SGCG: variants seen among roughly 807,000 people sequenced by gnomAD.
SGCG encodes the protein sarcoglycan gamma.
SGCG carries 26 observed loss-of-function variants against 29.3 expected under a neutral mutation model. The observed-to-expected ratio is 0.89, with a 90% CI of 0.65 to 1.23. The LOEUF is 1.23. Ranked by LOEUF, SGCG falls within the 50% of genes most tolerant of loss-of-function variation. The probability of loss-of-function intolerance (pLI) is 0.00; values close to 1 mark genes in which losing one functional copy is unlikely to be tolerated. For missense variants in SGCG, 353 were observed against 356.0 expected (o/e 0.99, Z 0.07); for synonymous variants, 145 against 129.7 (o/e 1.12, Z -0.80).
chr13:23,264,075 T>C (rs1880548506), intron 4 of SGCG, among the ~76,000 whole-genome samples: 1 of 152,086 alleles, frequency 6.6e-6, no homozygotes. Flanking sequence ...CTGAAAGTGC[T>C]AGCCAGAGTA....
At chr13:23,206,376 G>T (rs544079880) in intron 2 of SGCG, among the ~76,000 whole-genome samples, 1 of 152,112 alleles carries the variant, frequency 6.6e-6, no homozygotes, top group African/African-American at 2.4e-5. Context: ...CAATGAGTTT[G>T]CCTACTGTAG....
At chr13:23,180,100 G>GTAAAC (rs1876680478), upstream of SGCG, among the ~76,000 whole-genome samples, 1 of 152,058 alleles carries the variant, frequency 6.6e-6, no homozygotes, top group African/African-American at 2.4e-5. Context: ...CTAAGGCACT[G>GTAAAC]CTTCTTATAT....
chr13:23,291,146 T>C (rs1309690152), intron 5 of SGCG, among the ~76,000 whole-genome samples: 1 of 152,228 alleles, frequency 6.6e-6, no homozygotes, highest in African/African-American at 2.4e-5. Flanking sequence ...CAATGACATA[T>C]TCTAAAAATA....
At chr13:23,205,220 C>T (rs568488584) in intron 2 of SGCG, among the ~76,000 whole-genome samples, 1 of 152,164 alleles carries the variant, frequency 6.6e-6, no homozygotes, top group Non-Finnish European at 1.5e-5. Flanking sequence ...GACAATGTTA[C>T]TTCATGAAAG....
chr13:23,270,000 G>A (rs921665605), intron 4 of SGCG, among the ~76,000 whole-genome samples: 2 of 151,126 alleles, frequency 1.3e-5, no homozygotes, highest in African/African-American at 2.4e-5. Flanking sequence ...TCAGCCTCCC[G>A]AGTAGCTGGG....
chr13:23,299,416 A>G lies in SGCG; in HGVS notation c.578+3929A>G, dbSNP rs1261843334. Among the ~76,000 whole-genome samples, 80 of 4,416 alleles carry G rather than the reference A, an allele frequency of 0.018. 2 individuals carry two copies. In the East Asian group the frequency reaches 0.19, roughly 11 times the overall value. The allele number at this position is 4,416 out of a possible 152,430, so 2.9% of individuals were successfully genotyped here. On this transcript the variant is annotated intron_variant, in intron 6 of 7. Coordinates refer to ENST00000218867, the MANE Select transcript of SGCG (RefSeq NM_000231.3). The stretch of plus-strand genomic sequence containing the variant: ...GGAATATCTTAGTTGGCATATATAT[A>G]TATATATATATATATATATATATAT...
At position 23,252,477 on chromosome 13, in the gene SGCG, G is replaced by T. The variant is rs113633669; in HGVS notation, c.385+1760G>T. ...GAGGCCGAGGTGGGTGGATCATGAG[G>T]TCAGGAGATCAAGACCATCCTGGCT... On this transcript the variant is annotated intron_variant, in intron 4 of 7. Coordinates refer to ENST00000218867, the MANE Select transcript of SGCG (RefSeq NM_000231.3). Among the ~76,000 whole-genome samples, 290 of 152,144 alleles carry T rather than the reference G, an allele frequency of 1.9e-3. 1 individual carries two copies. Among genetic ancestry groups the T allele is most frequent in the African/African-American group, 6.5e-3 (271 of 41,502 alleles).
At chr13:23,245,962 C>T (rs966500095) in intron 3 of SGCG, 6 of 152,302 alleles carry the variant, frequency 3.9e-5, no homozygotes, top group African/African-American at 1.4e-4. Context: ...TACCACTTTT[C>T]CACCTCATTA....
chr13:23,308,797 C>A (rs565719119), intron 6 of SGCG, among the ~76,000 whole-genome samples: 2 of 152,280 alleles, frequency 1.3e-5, no homozygotes, highest in South Asian at 4.1e-4. Flanking sequence ...CTCCTGACCT[C>A]AAGTGATTCA....
intron 4 of SGCG, among the ~76,000 whole-genome samples, chr13:23,253,341 A>G (rs573371560): frequency 6.6e-6 from 1 of 152,318 alleles, no homozygotes; most frequent in East Asian, 1.9e-4. Context: ...CATGCCTGAG[A>G]AAGTGATTTA....
intron 2 of SGCG, among the ~76,000 whole-genome samples, chr13:23,223,145 G>A (rs1488051190): frequency 6.6e-6 from 1 of 152,018 alleles, no homozygotes; most frequent in Non-Finnish European, 1.5e-5. Context: ...GGGTGTGGTG[G>A]CGGGCGCCTG....
intron 4 of SGCG, among the ~76,000 whole-genome samples, chr13:23,277,327 C>T (rs1332773532): frequency 6.6e-6 from 1 of 151,800 alleles, no homozygotes; most frequent in Non-Finnish European, 1.5e-5. Context: ...ATAGGCATAT[C>T]AGTGACCCAG....
At chr13:23,266,088 C>A (rs887450341) in intron 4 of SGCG, among the ~76,000 whole-genome samples, 2 of 152,018 alleles carry the variant, frequency 1.3e-5, no homozygotes, top group Non-Finnish European at 2.9e-5. Flanking sequence ...CCAGCCTGGA[C>A]AACATGTTGA....
At chr13:23,186,990 T>C (rs953941004) in intron 1 of SGCG, among the ~76,000 whole-genome samples, 2 of 152,154 alleles carry the variant, frequency 1.3e-5, no homozygotes, top group Admixed American at 6.5e-5. Context: ...CTTGGTCTTA[T>C]TGAGGGATGC....
At chr13:23,253,455 T>G (rs1208373128) in intron 4 of SGCG, among the ~76,000 whole-genome samples, 1 of 152,220 alleles carries the variant, frequency 6.6e-6, no homozygotes, top group Non-Finnish European at 1.5e-5. Flanking sequence ...TTTTCTTCCG[T>G]ACATGACTTC....
chr13:23,276,431 C>CTTTTTTTGTTTTTTTTTTTT (rs1881070925), intron 4 of SGCG, among the ~76,000 whole-genome samples: 1 of 102,336 alleles, frequency 9.8e-6, no homozygotes, highest in African/African-American at 3.5e-5. Context: ...TTTTAGTTTT[C>CTTTTTTTGTTTTTTTTTTTT]TTTTTTTTTT....
Position 23,193,804 on chromosome 13 carries a change from T to C in SGCG, c.1-9891T>C, listed in dbSNP as rs569814040. Among the ~76,000 whole-genome samples the C allele has an allele frequency of 2.7e-3, 406 of 152,258 alleles. 3 individuals are homozygous for C. The highest frequency in any genetic ancestry group is 9.4e-3 in the African/African-American group (389 of 41,550). ...CTGTAAATAGTATTTAAAGACATGA[T>C]AATGAATAGGATCACCTTGAAAAAT... On this transcript the variant is annotated intron_variant, in intron 1 of 7. Coordinates refer to ENST00000218867, the MANE Select transcript of SGCG (RefSeq NM_000231.3).
In SGCG at chr13:23,200,752, G is replaced by A. The variant is rs74926442; in HGVS notation, c.1-2943G>A. 4.3e-3 allele frequency among the ~76,000 whole-genome samples: 661 copies of A among 152,274 alleles called. 5 individuals are homozygous for A. Among genetic ancestry groups the A allele is most frequent in the African/African-American group, 0.014 (596 of 41,558 alleles). ...TGAAATAGGAATGATCAGGAAGATCGTTGATAAGCGATCTTTGCACAGAGA... is the reference window on the plus strand; with the variant it reads ...TGAAATAGGAATGATCAGGAAGATCATTGATAAGCGATCTTTGCACAGAGA... On this transcript the variant is annotated intron_variant, in intron 1 of 7. Coordinates refer to ENST00000218867, the MANE Select transcript of SGCG (RefSeq NM_000231.3).
chr13:23,216,475 C>A (rs1878432792), intron 2 of SGCG, among the ~76,000 whole-genome samples: 1 of 152,024 alleles, frequency 6.6e-6, no homozygotes, highest in Non-Finnish European at 1.5e-5. Flanking sequence ...CAAAAAATTA[C>A]TGAAGGGTTT....
Sources: allele counts gnomAD v4.1 joint callset (sites outside exome capture counted in the v4.1 genomes callset), GRCh38; gene constraint gnomAD v4.1.1; transcripts MANE v1.5; gene names NCBI Gene and HGNC (gene_info 2026-07-23, HGNC 2026-07-21).